RALGAPA2: variants seen among roughly 807,000 people sequenced by gnomAD.
RALGAPA2 encodes the protein ral GTPase-activating protein subunit alpha-2.
A neutral mutation model predicts 230.4 loss-of-function variants in RALGAPA2; 139 were observed. The ratio of observed to expected loss-of-function variants is 0.60; its 90% CI spans 0.53 to 0.69. The LOEUF (loss-of-function observed/expected upper bound fraction) is 0.69, where lower values mean the gene tolerates loss of function less well. Ranked by LOEUF, RALGAPA2 falls within the 30% of genes least tolerant of loss-of-function variation. The probability of loss-of-function intolerance (pLI) is 0.00; values close to 1 mark genes in which losing one functional copy is unlikely to be tolerated. For synonymous variants in RALGAPA2, 847 were observed against 837.8 expected, an observed-to-expected ratio of 1.01 and a Z score of -0.19; for missense variants, 2,163 against 2,276.0, an observed-to-expected ratio of 0.95 and a Z score of 1.01.
intron 9 of RALGAPA2, 98 bp downstream of exon 9, chr20:20,635,320 G>A: frequency 7.6e-7 from 1 of 1,312,450 alleles, no homozygotes; most frequent in South Asian, 1.3e-5. Flanking sequence ...CCAACAACTT[G>A]TAAGAACCAA....
intron 35 of RALGAPA2, among the ~76,000 whole-genome samples, chr20:20,497,546 C>T (rs1261471622): frequency 6.6e-6 from 1 of 152,232 alleles, no homozygotes; most frequent in Non-Finnish European, 1.5e-5. Context: ...GTGCTGCCAC[C>T]ACCCGATGTT....
At chr20:20,435,977 G>A (rs754046475) in intron 37 of RALGAPA2, among the ~76,000 whole-genome samples, 1 of 152,218 alleles carries the variant, frequency 6.6e-6, no homozygotes, top group Non-Finnish European at 1.5e-5. Flanking sequence ...AGCTGCTCAA[G>A]TCTTGAAATG....
At chr20:20,613,627 C>T (rs567671371) in intron 13 of RALGAPA2, among the ~76,000 whole-genome samples, 2 of 152,290 alleles carry the variant, frequency 1.3e-5, no homozygotes, top group South Asian at 2.1e-4. Flanking sequence ...TCCCCTCTCA[C>T]GCTCCCTCTC....
At chr20:20,587,267 G>A (rs1210643346) in intron 18 of RALGAPA2, among the ~76,000 whole-genome samples, 4 of 152,090 alleles carry the variant, frequency 2.6e-5, no homozygotes, top group Admixed American at 2.0e-4. Flanking sequence ...AGAAGGAAAA[G>A]GGAGAAAGAG....
chr20:20,575,556 A>G (rs1392477806), intron 20 of RALGAPA2, among the ~76,000 whole-genome samples: 1 of 151,948 alleles, frequency 6.6e-6, no homozygotes, highest in African/African-American at 2.4e-5. Context: ...TACTTTCACC[A>G]TTTTCTAGGG....
chr20:20,620,518 T>A lies in RALGAPA2; in HGVS notation c.1346A>T (p.Asp449Val). The change falls in exon 11 of 40, where the codon GAT becomes GTT. Residue 449 changes from aspartate to valine, a missense_variant. Physicochemically the swap from Asp to Val is radical, Grantham distance 152. Coordinates refer to ENST00000202677, the MANE Select transcript of RALGAPA2 (RefSeq NM_020343.4). The stretch of plus-strand genomic sequence containing the variant: ...TTTTTCAGCATCTTCTTGGGCAACA[T>A]CTTTTCTATCTGGCTCCTCCATGAA... ...PVFMEEPDRK[D>V]VAQEDAEKLG... 3 of 1,614,008 alleles carry A rather than the reference T, an allele frequency of 1.9e-6. No individual in the cohort carries two copies. Among genetic ancestry groups the A allele is most frequent in the Non-Finnish European group, 2.5e-6 (3 of 1,179,852 alleles).
chr20:20,626,697 G>A (rs2066497825), intron 10 of RALGAPA2, among the ~76,000 whole-genome samples: 1 of 152,202 alleles, frequency 6.6e-6, no homozygotes, highest in Non-Finnish European at 1.5e-5. Flanking sequence ...CATCTTATCT[G>A]ATATGAAGTA....
chr20:20,475,370 G>A (rs2061628016), intron 36 of RALGAPA2, among the ~76,000 whole-genome samples: 1 of 152,066 alleles, frequency 6.6e-6, no homozygotes, highest in African/African-American at 2.4e-5. Flanking sequence ...ATCTTATCAA[G>A]CAGAATTTTC....
intron 4 of RALGAPA2, among the ~76,000 whole-genome samples, chr20:20,650,895 T>C (rs1333856242): frequency 1.3e-5 from 2 of 152,206 alleles, no homozygotes; most frequent in Non-Finnish European, 2.9e-5. Flanking sequence ...TAATCTCTTA[T>C]GGACCATTTC....
At chr20:20,587,077 A>G (rs1045863124) in intron 18 of RALGAPA2, among the ~76,000 whole-genome samples, 2 of 152,208 alleles carry the variant, frequency 1.3e-5, no homozygotes, top group African/African-American at 4.8e-5. Context: ...GGCACATAGC[A>G]TATACCAAAA....
In RALGAPA2 at chr20:20,604,735, T is replaced by C. The variant is rs186443132; in HGVS notation, c.2038+440A>G. ...TCATCAGCTATCGTTAGTTTTACTGTATTTTATGTGTGACCTAAGACAATT... is the reference window on the plus strand; with the variant it reads ...TCATCAGCTATCGTTAGTTTTACTGCATTTTATGTGTGACCTAAGACAATT... On this transcript the variant is annotated intron_variant, in intron 15 of 39. Coordinates refer to ENST00000202677, the MANE Select transcript of RALGAPA2 (RefSeq NM_020343.4). 4.6e-5 allele frequency among the ~76,000 whole-genome samples: 7 copies of C among 152,302 alleles called. No individual in the cohort carries two copies. In the East Asian group the frequency reaches 9.6e-4, roughly 21 times the overall value.
At chr20:20,630,325 T>A (rs965648921) in intron 9 of RALGAPA2, among the ~76,000 whole-genome samples, 2 of 152,214 alleles carry the variant, frequency 1.3e-5, no homozygotes, top group African/African-American at 4.8e-5. Flanking sequence ...TTATTACTTT[T>A]AAGTGTCAAA....
chr20:20,698,978 G>A (rs182016035), intron 1 of RALGAPA2, among the ~76,000 whole-genome samples: 1 of 152,250 alleles, frequency 6.6e-6, no homozygotes, highest in East Asian at 1.9e-4. Context: ...TATAATGGAT[G>A]AATATATTTT....
At chr20:20,619,445 G>A in intron 11 of RALGAPA2, 31 bp from the exon 12 acceptor site, 4 of 1,493,762 alleles carry the variant, frequency 2.7e-6, no homozygotes, top group Non-Finnish European at 3.6e-6. Flanking sequence ...TTAACAGAGT[G>A]GAAGATGCAC....
chr20:20,468,528 G>A (rs891574369), intron 37 of RALGAPA2, among the ~76,000 whole-genome samples: 2 of 152,070 alleles, frequency 1.3e-5, no homozygotes, highest in African/African-American at 4.8e-5. Flanking sequence ...CAATCCTCCA[G>A]GTGAAGACTT....
At position 20,417,794 on chromosome 20, in the gene RALGAPA2, G is replaced by T. The variant is rs1235412930; in HGVS notation, c.5496-5646C>A. On this transcript the variant is annotated intron_variant, in intron 37 of 39. Coordinates refer to ENST00000202677, the MANE Select transcript of RALGAPA2 (RefSeq NM_020343.4). ...ATATTTACTGAATGAATAAATGAAG[G>T]CCTGAAATTCGTGTCCATTGCTTTA... is the stretch of plus-strand genomic sequence containing the variant. 2.0e-5 allele frequency among the ~76,000 whole-genome samples: 3 copies of T among 152,138 alleles called. No homozygotes were observed. The East Asian group carries it at 5.8e-4, about 29-fold the overall frequency.
intron 1 of RALGAPA2, among the ~76,000 whole-genome samples, chr20:20,695,020 T>A (rs1032575466): frequency 5.3e-5 from 8 of 152,224 alleles, no homozygotes; most frequent in African/African-American, 7.2e-5. Context: ...AGAAAGGGAT[T>A]TTTTTCAAAG....
intron 1 of RALGAPA2, among the ~76,000 whole-genome samples, chr20:20,694,114 A>T (rs2069018021): frequency 6.6e-6 from 1 of 151,676 alleles, no homozygotes; most frequent in African/African-American, 2.4e-5. Flanking sequence ...AAAAAAAATG[A>T]AAAAATTTCA....
intron 33 of RALGAPA2, 24 bp downstream of exon 33, chr20:20,511,230 G>A: frequency 3.8e-6 from 6 of 1,561,004 alleles, no homozygotes; most frequent in Non-Finnish European, 5.2e-6. Context: ...CAGGAAAAAA[G>A]TGGTTTGATA....
Sources: gnomAD v4.1 joint callset for allele counts (sites outside exome capture counted in the v4.1 genomes callset) on GRCh38, gnomAD v4.1.1 for gene constraint, MANE v1.5 for transcripts, NCBI Gene and HGNC (gene_info 2026-07-23, HGNC 2026-07-21) for gene names.